Variants in KIF16B observed in about 807,000 individuals in gnomAD.
The protein encoded by KIF16B is kinesin-like protein KIF16B.
A neutral mutation model predicts 156.3 loss-of-function variants in KIF16B; 98 were observed. The ratio of observed to expected loss-of-function variants is 0.63; its 90% CI spans 0.53 to 0.74. KIF16B has a LOEUF of 0.74. KIF16B is among the 30% of genes least tolerant of loss of function. The pLI, the probability that KIF16B is intolerant of heterozygous loss-of-function variation, is 0.00. For synonymous variants in KIF16B, 564 were observed against 583.7 expected (o/e 0.97, Z 0.49); for missense variants, 1,421 against 1,606.5 (o/e 0.88, Z 1.97).
At chr20:16,333,329 C>T (rs999827647) in intron 24 of KIF16B, among the ~76,000 whole-genome samples, 1 of 152,118 alleles carries the variant, frequency 6.6e-6, no homozygotes, top group Admixed American at 6.5e-5. Context: ...AGTCCACTAC[C>T]CAGCTCTCAT....
intron 12 of KIF16B, among the ~76,000 whole-genome samples, chr20:16,452,696 G>A (rs574860059): frequency 5.9e-5 from 9 of 152,082 alleles, no homozygotes; most frequent in East Asian, 3.9e-4. Flanking sequence ...TTAGCTGGGC[G>A]TGGTGGTGGG....
At chr20:16,324,928 C>T (rs935485713) in intron 24 of KIF16B, among the ~76,000 whole-genome samples, 4 of 152,026 alleles carry the variant, frequency 2.6e-5, no homozygotes, top group African/African-American at 7.2e-5. Flanking sequence ...CCAAATCCAA[C>T]AGCGTATCAA....
chr20:16,425,772 T>C (rs1369163045), intron 15 of KIF16B, among the ~76,000 whole-genome samples: 4 of 152,122 alleles, frequency 2.6e-5, no homozygotes, highest in Non-Finnish European at 4.4e-5. Flanking sequence ...TTGCCAAAAA[T>C]GCATATTAGT....
In KIF16B at chr20:16,392,347, T is replaced by TAC. The variant is rs567379531; in HGVS notation, c.1785-10602_1785-10601dup. On this transcript the variant is annotated intron_variant, in intron 17 of 25. Transcript: ENST00000354981. The stretch of plus-strand genomic sequence containing the variant: ...ACACAATTTTATATTGTTGGAAATG[T>TAC]ACATGGGAAATTATCCTGAAAAACC... Among the ~76,000 whole-genome samples the TAC allele has an allele frequency of 1.1e-4, 17 of 152,330 alleles. No individual in the cohort carries two copies. In the East Asian group the frequency reaches 3.1e-3, roughly 28 times the overall value.
chr20:16,475,999 A>C (rs1016327271), intron 12 of KIF16B, among the ~76,000 whole-genome samples: 1 of 152,240 alleles, frequency 6.6e-6, no homozygotes, highest in Non-Finnish European at 1.5e-5. Context: ...TGCACAATTT[A>C]TCTCTCACAC....
chr20:16,288,563 C>T (rs7344371), intron 25 of KIF16B, among the ~76,000 whole-genome samples: 759 of 95,560 alleles, frequency 7.9e-3, no homozygotes, highest in East Asian at 0.013. Flanking sequence ...CCTTAGTAAA[C>T]ACAGTATGTA....
At chr20:16,363,305 G>GCAAT (rs2064587557) in intron 22 of KIF16B, among the ~76,000 whole-genome samples, 2 of 152,100 alleles carry the variant, frequency 1.3e-5, no homozygotes, top group South Asian at 4.2e-4. Context: ...GAGGTAGAAG[G>GCAAT]CAATCAGCCC....
chr20:16,370,692 G>T, intron 21 of KIF16B, 56 bp from the exon 22 acceptor site: 1 of 1,302,710 alleles, frequency 7.7e-7, no homozygotes. Context: ...CACGGGGCGG[G>T]GGACTGATTC....
rs1039459349 is a variant in KIF16B at position 16,368,394 on chromosome 20, C to T, written c.3498+2192G>A. ...CTTCCGGAGAATGAGATTCTGTTGACTGCATGTCAGTCTTCAAGGGCATGT... is the reference window on the plus strand; with the variant it reads ...CTTCCGGAGAATGAGATTCTGTTGATTGCATGTCAGTCTTCAAGGGCATGT... On this transcript the variant is annotated intron_variant, in intron 22 of 25. Transcript: ENST00000354981. 30 of 989,238 alleles carry T rather than the reference C, an allele frequency of 3.0e-5. No homozygotes were observed. In the African/African-American group the frequency reaches 5.2e-4, roughly 17 times the overall value. The allele number at this position is 989,238 out of a possible 1,614,324, so 61.3% of individuals were successfully genotyped here.
At chr20:16,368,817 T>C in intron 22 of KIF16B, 1 of 985,778 alleles carries the variant, frequency 1.0e-6, no homozygotes, top group Non-Finnish European at 1.2e-6. Flanking sequence ...CTCCGCTATT[T>C]ATAGACACTT....
At chr20:16,462,568 T>C (rs1314838788) in intron 12 of KIF16B, among the ~76,000 whole-genome samples, 2 of 152,186 alleles carry the variant, frequency 1.3e-5, no homozygotes, top group Non-Finnish European at 2.9e-5. Context: ...TCAGCCTGTG[T>C]TGGGATGCTC....
chr20:16,288,518 CCAT>C (rs1302017466), intron 25 of KIF16B, among the ~76,000 whole-genome samples: 1 of 148,206 alleles, frequency 6.7e-6, no homozygotes, highest in Non-Finnish European at 1.5e-5. Flanking sequence ...TACTGGGATC[CCAT>C]CATAAGTGGA....
At chr20:16,488,665 G>A (rs772547650) in intron 12 of KIF16B, among the ~76,000 whole-genome samples, 3 of 152,232 alleles carry the variant, frequency 2.0e-5, no homozygotes, top group Non-Finnish European at 2.9e-5. Flanking sequence ...ACACCAGGCA[G>A]TCAGCACAAT....
intron 23 of KIF16B, among the ~76,000 whole-genome samples, chr20:16,355,241 C>T (rs1289901872): frequency 6.6e-6 from 1 of 152,124 alleles, no homozygotes; most frequent in Non-Finnish European, 1.5e-5. Flanking sequence ...GCTCCTTCCT[C>T]CCTCCCCACT....
chr20:16,398,417 G>A (rs2065567659), intron 17 of KIF16B, among the ~76,000 whole-genome samples: 1 of 152,200 alleles, frequency 6.6e-6, no homozygotes, highest in Admixed American at 6.5e-5. Context: ...GGGGTGACCA[G>A]GAAGGGCTAA....
At chr20:16,511,556 G>A in intron 5 of KIF16B, 29 bp from the exon 6 acceptor site, 1 of 1,416,082 alleles carries the variant, frequency 7.1e-7, no homozygotes. Flanking sequence ...ATTGAATTCA[G>A]AAAAATGATT....
Position 16,406,398 on chromosome 20 carries a change from G to A in KIF16B, c.1671C>T (p.Ala557=), listed in dbSNP as rs200901024. The change falls in exon 16 of 26, where the codon GCC becomes GCT. Residue 557 remains alanine (A), a synonymous_variant. Transcript: ENST00000354981. ...NMFRFNHPKE[A]AKLREKRKSG... Reference sequence around the variant, plus strand: ...CCTTCCTCTTCTCCCTGAGCTTGGCGGCTTCCTTTGGATGGTTAAAGCGAA... The same window carrying A: ...CCTTCCTCTTCTCCCTGAGCTTGGCAGCTTCCTTTGGATGGTTAAAGCGAA... 298 of 1,613,526 alleles carry A rather than the reference G, an allele frequency of 1.8e-4. No homozygotes were observed. Among genetic ancestry groups the A allele is most frequent in the Admixed American group, 6.2e-4 (37 of 59,986 alleles).
At position 16,378,852 on chromosome 20, in the gene KIF16B, C is replaced by A. The variant is rs747250440; in HGVS notation, c.3150G>T (p.Gln1050His). The A allele has an allele frequency of 6.2e-7, 1 of 1,613,804 alleles. No individual in the cohort carries two copies. The highest frequency in any genetic ancestry group is 2.2e-5 in the East Asian group (1 of 44,870). The change falls in exon 19 of 26, where the codon CAG (glutamine) becomes CAT (histidine). Residue 1050 changes from glutamine to histidine, a missense_variant. Transcript: ENST00000354981. ...CTTCCTGCTCAGCCTCCAGGCTAGC[C>A]TGGAGCCCTGACTGCTCTCTGCTGC... The part of the protein sequence containing the change: ...NSGSREQSGL[Q>H]ASLEAEQEAL...
At chr20:16,274,495 C>A (rs893435604) in intron 25 of KIF16B, among the ~76,000 whole-genome samples, 4 of 152,162 alleles carry the variant, frequency 2.6e-5, no homozygotes, top group Non-Finnish European at 4.4e-5. Flanking sequence ...TCATCTGTAA[C>A]AGAAAATGGG....
Sources: allele counts gnomAD v4.1 joint callset (sites outside exome capture counted in the v4.1 genomes callset), GRCh38; gene constraint gnomAD v4.1.1; transcripts MANE v1.5; gene names NCBI Gene and HGNC (gene_info 2026-07-23, HGNC 2026-07-21).